The following WDR86 variants were observed in gnomAD, a reference collection of about 807,000 sequenced individuals.
The protein encoded by WDR86 is WD repeat domain 86.
Under a neutral mutation model 36.5 loss-of-function variants are expected in WDR86, and 30 were observed. That is an observed-to-expected ratio of 0.82 (90% CI 0.61 to 1.11). The LOEUF (loss-of-function observed/expected upper bound fraction) is 1.11. Ranked by LOEUF, WDR86 falls within the 50% of genes most tolerant of loss-of-function variation. The pLI is 0.00. For synonymous variants in WDR86, 255 were observed against 252.9 expected (o/e 1.01, Z -0.08); for missense variants, 545 against 561.2 (o/e 0.97, Z 0.29).
chr7:151,386,042 C>T (rs1200665546), intron 3 of WDR86, among the ~76,000 whole-genome samples: 2 of 152,154 alleles, frequency 1.3e-5, no homozygotes, highest in Non-Finnish European at 2.9e-5. Flanking sequence ...GCACAGGAGA[C>T]AGGCGCAGGC....
rs912635226 is a variant in WDR86 at position 151,409,789 on chromosome 7, C to T, written c.-200G>A. ...CCTCCAGCCTCTGGGCCCGCGAACC[C>T]AGGGCGCTGCGGGGGGCGGCCCACT... On this transcript the variant is annotated 5_prime_UTR_variant, in exon 1 of 6. Coordinates refer to ENST00000334493, the MANE Select transcript of WDR86 (RefSeq NM_198285.3). The surrounding 1 kb of genome is among the most constrained non-coding windows in gnomAD (Gnocchi z 5.2). 7 of 1,267,696 alleles carry T rather than the reference C, an allele frequency of 5.5e-6. No individual in the cohort carries two copies. Among genetic ancestry groups the T allele is most frequent in the Non-Finnish European group, 6.9e-6 (7 of 1,010,540 alleles). The allele number at this position is 1,267,696 out of a possible 1,614,324, so 78.5% of individuals were successfully genotyped here. A position where few individuals can be genotyped will look rare whatever the true frequency, so the allele number is the denominator to read the frequency against.
At position 151,396,113 on chromosome 7, in the gene WDR86, G is replaced by A; in HGVS notation, c.389C>T (p.Ser130Phe). 1 of 1,612,846 alleles carries A rather than the reference G, an allele frequency of 6.2e-7. No homozygotes were observed. The highest frequency in any genetic ancestry group is 1.7e-5 in the Admixed American group (1 of 60,018). Residue 130 changes from serine (S) to phenylalanine (F), a missense_variant, in exon 3 of 6, where the codon TCC becomes TTC. By Grantham distance (155) the Ser-to-Phe change is radical (BLOSUM62 -2). Transcript: ENST00000334493. ...RVWSVDKGQM[S>F]REFRGHRNCV... is the part of the protein sequence containing the mutation. ...GTTGCGGTGGCCCCGGAACTCCCGG[G>A]ACATCTGCCCCTTGTCCACACTCCA...
At chr7:151,374,092 T>C (rs774502088), downstream of WDR86, 3 of 1,552,418 alleles carry the variant, frequency 1.9e-6, no homozygotes, top group South Asian at 3.6e-5. Context: ...GCTGTTTTCC[T>C]AAAGGAACTG....
chr7:151,400,362 G>T, intron 1 of WDR86, 121 bp from the exon 2 acceptor site: 1 of 1,073,694 alleles, frequency 9.3e-7, no homozygotes, highest in African/African-American at 1.6e-5. Context: ...AGACAAGCTG[G>T]AGTCAATTAG....
chr7:151,387,799 A>G (rs1246221111), intron 3 of WDR86, among the ~76,000 whole-genome samples: 2 of 152,196 alleles, frequency 1.3e-5, no homozygotes, highest in Non-Finnish European at 2.9e-5. Flanking sequence ...CTGCCTGGTG[A>G]CAGCTGTGGT....
intron 3 of WDR86, among the ~76,000 whole-genome samples, chr7:151,389,503 T>C (rs1436398503): frequency 6.6e-6 from 1 of 152,132 alleles, no homozygotes; most frequent in East Asian, 1.9e-4. Context: ...CCTCAGCCAC[T>C]CTCTCCCTTG....
At position 151,409,447 on chromosome 7, in the gene WDR86, T is replaced by G; in HGVS notation, c.143A>C (p.Gln48Pro). 6.5e-7 allele frequency: 1 copy of G among 1,546,670 alleles called. No homozygotes were observed. Among genetic ancestry groups the G allele is most frequent in the South Asian group, 1.2e-5 (1 of 84,386 alleles). Residue 48 changes from glutamine to proline, a missense_variant, in exon 1 of 6, where the codon CAG (glutamine) becomes CCG (proline). By Grantham distance (76) the Gln-to-Pro change is moderately conservative. Coordinates refer to ENST00000334493, the MANE Select transcript of WDR86 (RefSeq NM_198285.3). The surrounding 1 kb of genome is among the most constrained non-coding windows in gnomAD (Gnocchi z 5.2). ...TCTACCTTGCAGGAGCGCGCAGCACTGGCCGTCCGCGGTGCTCCAGAGCCG... is the reference window on the plus strand; with the variant it reads ...TCTACCTTGCAGGAGCGCGCAGCACGGGCCGTCCGCGGTGCTCCAGAGCCG... ...TARLWSTADGQCCALLQGHES... is the reference protein window; with the variant it reads ...TARLWSTADGPCCALLQGHES...
chr7:151,375,029 G>A (rs1475714423), downstream of WDR86, among the ~76,000 whole-genome samples: 1 of 150,936 alleles, frequency 6.6e-6, no homozygotes, highest in Non-Finnish European at 1.5e-5. Flanking sequence ...CGGGGCTGGG[G>A]GGACAGAGAT....
At position 151,409,700 on chromosome 7, in the gene WDR86, G is replaced by C; in HGVS notation, c.-111C>G. ...GCGGCCCGCGGCCATCGCGGGGAAC[G>C]GGGAGCCCGACTCCTGCGGAGGCAC... On this transcript the variant is annotated 5_prime_UTR_variant, in exon 1 of 6. Transcript: ENST00000334493. The surrounding 1 kb of genome is among the most constrained non-coding windows in gnomAD (Gnocchi z 5.2). 4.6e-6 allele frequency: 6 copies of C among 1,298,362 alleles called. No homozygotes were observed. Among genetic ancestry groups the C allele is most frequent in the Non-Finnish European group, 5.8e-6 (6 of 1,027,322 alleles). 80.4% of individuals were successfully genotyped at this position (1,298,362 alleles called of 1,614,324 possible).
rs560847076 is a variant in WDR86, at chr7:151,383,711, C to CA, written c.862+1376dup. ...TTTCAGCCCCTTTCTGCCTTCCCCCCACAAACTCAGACAAATGGACATGGC... is the reference window on the plus strand; with the variant it reads ...TTTCAGCCCCTTTCTGCCTTCCCCCCAACAAACTCAGACAAATGGACATGGC... On this transcript the variant is annotated intron_variant, in intron 4 of 5. Coordinates refer to ENST00000334493, the MANE Select transcript of WDR86 (RefSeq NM_198285.3). 3.0e-4 allele frequency among the ~76,000 whole-genome samples: 45 copies of CA among 152,334 alleles called. No homozygotes were observed. In the South Asian group the frequency reaches 8.3e-3, roughly 28 times the overall value.
rs1372416595 is a variant in WDR86, at chr7:151,381,746, C to T, written c.967G>A (p.Val323Met). 5.3e-6 allele frequency: 8 copies of T among 1,513,970 alleles called. No homozygotes were observed. The highest frequency in any genetic ancestry group is 2.8e-5 in the African/African-American group (2 of 71,052). 93.8% of individuals were successfully genotyped at this position (1,513,970 alleles called of 1,614,324 possible). A position where few individuals can be genotyped will look rare whatever the true frequency, so the allele number is the denominator to read the frequency against. Residue 323 changes from valine to methionine, a missense_variant and splice_region_variant, in exon 6 of 6, where the codon GTG becomes ATG. Transcript: ENST00000334493. This position sits in a 1 kb window ranked among gnomAD's most constrained non-coding sequence, Gnocchi z 4.8. ...GHTFIINCIQ[V>M]HGQVLYTASH... ...GCGGTGTAGAGCACCTGGCCGTGCA[C>T]CTGCGGGCGCAGGGGCGGGCGTCAC...
chr7:151,390,711 G>A lies in WDR86; in HGVS notation c.726+5065C>T, dbSNP rs191996880. Among the ~76,000 whole-genome samples the A allele has an allele frequency of 4.6e-5, 7 of 152,298 alleles. No homozygotes were observed. Among genetic ancestry groups the A allele is most frequent in the African/African-American group, 9.6e-5 (4 of 41,562 alleles). On this transcript the variant is annotated intron_variant, in intron 3 of 5. Transcript: ENST00000334493. This position sits in a 1 kb window ranked among gnomAD's most constrained non-coding sequence, Gnocchi z 4.5. ...ATACCAGGGAATATTTATCAGTCACGGAAAAAGGAGGGAATCTCATCACAC... is the reference window on the plus strand; with the variant it reads ...ATACCAGGGAATATTTATCAGTCACAGAAAAAGGAGGGAATCTCATCACAC...
In WDR86 at chr7:151,406,038, A is replaced by AGAG. The variant is rs1303567382; in HGVS notation, c.163+3386_163+3388dup. ...GATATTCAATGAATAAACCTGAAAA[A>AGAG]GAGGAGGTCAGGGATAAGCAAGTGG... On this transcript the variant is annotated intron_variant, in intron 1 of 5. Coordinates refer to ENST00000334493, the MANE Select transcript of WDR86 (RefSeq NM_198285.3). This position sits in a 1 kb window ranked among gnomAD's most constrained non-coding sequence, Gnocchi z 4.4. 6.6e-6 allele frequency among the ~76,000 whole-genome samples: 1 copy of AGAG among 152,226 alleles called. No homozygotes were observed. Among genetic ancestry groups the AGAG allele is most frequent in the Non-Finnish European group, 1.5e-5 (1 of 68,038 alleles).
At chr7:151,407,776 G>A (rs1471833883) in intron 1 of WDR86, among the ~76,000 whole-genome samples, 1 of 152,198 alleles carries the variant, frequency 6.6e-6, no homozygotes, top group Non-Finnish European at 1.5e-5. Context: ...GGGAGGCGGA[G>A]GTTGCAGTGA....
chr7:151,380,688 T>G (rs1194484746), downstream of WDR86, among the ~76,000 whole-genome samples: 1 of 151,920 alleles, frequency 6.6e-6, no homozygotes. Context: ...GGGCTCCCCT[T>G]GGGTGCCCGG....
rs780816644 is a variant in WDR86 at position 151,409,494 on chromosome 7, C to T, written c.96G>A (p.Thr32=). The T allele has an allele frequency of 1.3e-6, 2 of 1,533,878 alleles. No individual in the cohort carries two copies. Among genetic ancestry groups the T allele is most frequent in the East Asian group, 2.4e-5 (1 of 40,846 alleles). ...GCCGGGCCGTGCCGTCCTCGCTGCC[C>T]GTCAGCAGGCGCTGCCCGTCGGGGC... is the stretch of plus-strand genomic sequence containing the variant. ...SLSPDGQRLL[T]GSEDGTARLW... is the part of the protein sequence containing the mutation. Residue 32 remains threonine, a synonymous_variant, in exon 1 of 6, where the codon ACG becomes ACA. Coordinates refer to ENST00000334493, the MANE Select transcript of WDR86 (RefSeq NM_198285.3). The surrounding 1 kb of genome is among the most constrained non-coding windows in gnomAD (Gnocchi z 5.2).
rs1221094305 is a variant in WDR86, at chr7:151,381,214, A to G, written c.*368T>C. 3.1e-5 allele frequency: 39 copies of G among 1,268,702 alleles called. No individual in the cohort carries two copies. The East Asian group carries it at 1.2e-3, about 40-fold the overall frequency. 78.6% of individuals were successfully genotyped at this position (1,268,702 alleles called of 1,614,324 possible). A position where few individuals can be genotyped will look rare whatever the true frequency, so the allele number is the denominator to read the frequency against. On this transcript the variant is annotated 3_prime_UTR_variant, in exon 6 of 6. Transcript: ENST00000334493. The surrounding 1 kb of genome is among the most constrained non-coding windows in gnomAD (Gnocchi z 4.8). ...TAACCAGGTTCAGTGGCTTCTGTAA[A>G]AAGTCACTTCCTCTCAGCAGGAAAG...
chr7:151,397,656 A>AGC, intron 2 of WDR86, among the ~76,000 whole-genome samples: 1 of 44,074 alleles, frequency 2.3e-5, no homozygotes, highest in Non-Finnish European at 6.0e-5. Context: ...AGCGGGAGGA[A>AGC]GGGCATAGCG....
At chr7:151,377,428 C>A, downstream of WDR86, 1 of 432,194 alleles carries the variant, frequency 2.3e-6, no homozygotes, top group South Asian at 3.7e-5. Context: ...TGGCCTGGCG[C>A]AGGCCGTTCC....
Sources: gnomAD v4.1 joint callset for allele counts (sites outside exome capture counted in the v4.1 genomes callset) on GRCh38, gnomAD v4.1.1 for gene constraint, Gnocchi (gnomAD v3.1) non-coding constraint, MANE v1.5 for transcripts, NCBI Gene and HGNC (gene_info 2026-07-23, HGNC 2026-07-21) for gene names.